Variants in PTPRD observed in about 807,000 individuals in gnomAD.
PTPRD encodes receptor-type tyrosine-protein phosphatase delta.
A neutral mutation model predicts 214.5 loss-of-function variants in PTPRD; 34 were observed. The observed-to-expected ratio is 0.16, with a 90% CI of 0.12 to 0.21. The LOEUF is 0.21. Among genes scored for constraint, PTPRD ranks in the 10% least tolerant of loss-of-function variants. The pLI is 1.00. For missense variants in PTPRD, 2,545 were observed against 2,398.7 expected (o/e 1.06, Z -1.27); for synonymous variants, 1,128 against 845.7 (o/e 1.33, Z -5.79).
In PTPRD at chr9:9,159,780, G is replaced by T. The variant is rs146885790; in HGVS notation, c.-143+23524C>A. On this transcript the variant is annotated intron_variant, in intron 10 of 45. Transcript: ENST00000381196. The stretch of plus-strand genomic sequence containing the variant: ...CTATTTGAGCAAAAAGAATAAAATA[G>T]GAGGCTCACGCTTCATGATTTCAAA... 1.0e-2 allele frequency among the ~76,000 whole-genome samples: 1,520 copies of T among 152,170 alleles called. 12 individuals are homozygous for T. The highest frequency in any genetic ancestry group is 0.015 in the Non-Finnish European group (992 of 67,986).
At chr9:10,074,297 T>A (rs1035754665) in intron 3 of PTPRD, among the ~76,000 whole-genome samples, 5 of 152,110 alleles carry the variant, frequency 3.3e-5, no homozygotes, top group East Asian at 1.9e-4. Context: ...TAGATAACTA[T>A]AATATCCACA....
At chr9:9,087,908 A>G (rs1384318545) in intron 10 of PTPRD, among the ~76,000 whole-genome samples, 1 of 49,724 alleles carries the variant, frequency 2.0e-5, no homozygotes, top group African/African-American at 7.0e-5. Flanking sequence ...TTTTTTTGAG[A>G]CAGAGTCTCA....
chr9:10,340,638 T>C (rs575211668), intron 3 of PTPRD, among the ~76,000 whole-genome samples: 3 of 151,996 alleles, frequency 2.0e-5, no homozygotes, highest in East Asian at 3.9e-4. Flanking sequence ...AATAAAACCA[T>C]TTTTCTTACA....
chr9:8,448,426 T>G (rs1323587), intron 34 of PTPRD, among the ~76,000 whole-genome samples: 1 of 152,282 alleles, frequency 6.6e-6, no homozygotes, highest in African/African-American at 2.4e-5. Flanking sequence ...GCTGACCCAA[T>G]GAAATTTACT....
chr9:9,818,666 C>A (rs562058774), intron 5 of PTPRD, among the ~76,000 whole-genome samples: 1 of 151,822 alleles, frequency 6.6e-6, no homozygotes, highest in Non-Finnish European at 1.5e-5. Flanking sequence ...GCCTGTAATC[C>A]CAGCACTTTG....
intron 3 of PTPRD, among the ~76,000 whole-genome samples, chr9:10,294,908 A>G (rs560809953): frequency 1.3e-5 from 2 of 152,110 alleles, no homozygotes; most frequent in East Asian, 3.9e-4. Context: ...ACGTTTGTTT[A>G]TTGTATGGTT....
intron 11 of PTPRD, among the ~76,000 whole-genome samples, chr9:8,751,480 AT>A (rs1418508124): frequency 6.6e-6 from 1 of 152,068 alleles, no homozygotes; most frequent in African/African-American, 2.4e-5. Context: ...TTGTTTGAAC[AT>A]TTTAAACTCT....
intron 8 of PTPRD, among the ~76,000 whole-genome samples, chr9:9,534,177 T>G (rs1225900319): frequency 6.6e-6 from 1 of 152,086 alleles, no homozygotes; most frequent in Non-Finnish European, 1.5e-5. Context: ...GTAAGGAAGA[T>G]CATTCTGACA....
chr9:10,437,354 T>C (rs1044275474), intron 2 of PTPRD, among the ~76,000 whole-genome samples: 5 of 151,910 alleles, frequency 3.3e-5, no homozygotes, highest in Non-Finnish European at 7.4e-5. Context: ...TTGATAGCTT[T>C]TTCCCTCCTG....
intron 2 of PTPRD, among the ~76,000 whole-genome samples, chr9:10,513,334 T>C (rs1490498484): frequency 1.3e-5 from 2 of 152,168 alleles, no homozygotes; most frequent in African/African-American, 2.4e-5. Context: ...CAAGCAGTTT[T>C]TCTTGTGAGA....
chr9:9,738,288 A>G (rs1045526458), intron 6 of PTPRD, among the ~76,000 whole-genome samples: 1 of 152,096 alleles, frequency 6.6e-6, no homozygotes, highest in Admixed American at 6.6e-5. Context: ...ACAAAAAATC[A>G]TAGCTATATG....
intron 12 of PTPRD, among the ~76,000 whole-genome samples, chr9:8,724,053 G>A (rs1023203659): frequency 3.9e-5 from 6 of 152,060 alleles, no homozygotes; most frequent in Non-Finnish European, 8.8e-5. Context: ...TTGTAGTAAG[G>A]CACTGAACTT....
intron 3 of PTPRD, among the ~76,000 whole-genome samples, chr9:10,148,506 T>C (rs145067928): frequency 6.6e-6 from 1 of 152,288 alleles, no homozygotes; most frequent in East Asian, 1.9e-4. Flanking sequence ...CATCACAGTA[T>C]GCTATGTATC....
chr9:8,895,559 A>C (rs1384412026), intron 11 of PTPRD, among the ~76,000 whole-genome samples: 1 of 152,182 alleles, frequency 6.6e-6, no homozygotes. Flanking sequence ...TGAATAAATA[A>C]AATCGAGAAT....
At chr9:9,592,609 C>T (rs992226976) in intron 7 of PTPRD, among the ~76,000 whole-genome samples, 1 of 151,994 alleles carries the variant, frequency 6.6e-6, no homozygotes, top group African/African-American at 2.4e-5. Context: ...GTTGATACTC[C>T]TTTCGTCATT....
chr9:10,049,375 A>C (rs2154151666), intron 3 of PTPRD, among the ~76,000 whole-genome samples: 2 of 149,528 alleles, frequency 1.3e-5, no homozygotes, highest in Middle Eastern at 6.8e-3. Flanking sequence ...AACTGGATTA[A>C]AAGGAGAAGC....
chr9:9,018,545 G>C (rs1410835078), intron 11 of PTPRD, among the ~76,000 whole-genome samples, 152 bp downstream of exon 11: 3 of 152,082 alleles, frequency 2.0e-5, no homozygotes, highest in East Asian at 3.8e-4. Context: ...TAATTTGAAA[G>C]TGTTGAACGT....
intron 3 of PTPRD, among the ~76,000 whole-genome samples, chr9:10,268,552 C>G (rs1390959115): frequency 6.6e-6 from 1 of 152,114 alleles, no homozygotes; most frequent in Non-Finnish European, 1.5e-5. Flanking sequence ...TGACACTCTT[C>G]CTTTCCACCT....
At chr9:9,503,885 T>G (rs910846471) in intron 8 of PTPRD, among the ~76,000 whole-genome samples, 6 of 151,792 alleles carry the variant, frequency 4.0e-5, no homozygotes, top group Non-Finnish European at 8.8e-5. Context: ...AAAAAAATAC[T>G]TCTGAGAGGA....
Sources: allele counts gnomAD v4.1 joint callset (sites outside exome capture counted in the v4.1 genomes callset), GRCh38; gene constraint gnomAD v4.1.1; transcripts MANE v1.5; gene names NCBI Gene and HGNC (gene_info 2026-07-23, HGNC 2026-07-21).